The following EXOC6 variants were observed in gnomAD, a reference collection of about 807,000 sequenced individuals.
The protein encoded by EXOC6 is SEC15-like 1.
Under a neutral mutation model 112.5 loss-of-function variants are expected in EXOC6, and 60 were observed. The observed-to-expected ratio is 0.53, with a 90% CI of 0.43 to 0.66. The LOEUF is 0.66. Among genes scored for constraint, EXOC6 ranks in the 30% least tolerant of loss-of-function variants. The probability of loss-of-function intolerance (pLI) is 0.00; values close to 1 mark genes in which losing one functional copy is unlikely to be tolerated. For missense variants in EXOC6, 855 were observed against 957.1 expected, an observed-to-expected ratio of 0.89 and a Z score of 1.41; for synonymous variants, 295 against 308.0, an observed-to-expected ratio of 0.96 and a Z score of 0.44.
At chr10:92,950,178 A>C (rs186192086) in intron 14 of EXOC6, among the ~76,000 whole-genome samples, 46 of 152,244 alleles carry the variant, frequency 3.0e-4, no homozygotes, top group African/African-American at 1.1e-3. Context: ...CAACTGAAAA[A>C]TAAATCTCAT....
chr10:92,897,322 C>T (rs1849879886), intron 4 of EXOC6, among the ~76,000 whole-genome samples: 1 of 152,184 alleles, frequency 6.6e-6, no homozygotes, highest in African/African-American at 2.4e-5. Context: ...ACCTGCTTTC[C>T]TCTATTCATC....
intron 1 of EXOC6, among the ~76,000 whole-genome samples, chr10:92,867,908 T>C (rs1848258376): frequency 6.6e-6 from 1 of 152,146 alleles, no homozygotes; most frequent in African/African-American, 2.4e-5. Context: ...AGTTGTAAAA[T>C]AGCCAAAAGA....
chr10:92,955,186 T>TA (rs1220267023), intron 16 of EXOC6, among the ~76,000 whole-genome samples: 2 of 151,424 alleles, frequency 1.3e-5, no homozygotes, highest in South Asian at 2.1e-4. Context: ...GAAGAAAAAA[T>TA]AAAAAAATGA....
chr10:92,863,788 A>C (rs1848027601), intron 1 of EXOC6, among the ~76,000 whole-genome samples: 1 of 151,710 alleles, frequency 6.6e-6, no homozygotes, highest in African/African-American at 2.4e-5. Context: ...GGTGGTGGGC[A>C]CCTGTAATCC....
At chr10:92,868,901 A>G (rs74860147) in intron 1 of EXOC6, among the ~76,000 whole-genome samples, 4,569 of 149,106 alleles carry the variant, frequency 0.031, 161 homozygotes, top group East Asian at 0.14. Context: ...TGTAGCCTCA[A>G]CCTCCTGGGT....
intron 18 of EXOC6, 62 bp from the exon 19 acceptor site, chr10:92,997,412 C>T (rs1843542327): frequency 6.8e-7 from 1 of 1,469,996 alleles, no homozygotes; most frequent in Admixed American, 2.1e-5. Context: ...TTTTCTGATT[C>T]TTTATGATGT....
chr10:92,991,816 A>G (rs538404540), intron 18 of EXOC6, among the ~76,000 whole-genome samples: 9 of 152,042 alleles, frequency 5.9e-5, no homozygotes, highest in African/African-American at 2.2e-4. Context: ...TATGATTGGT[A>G]ATTGTTGGAA....
At chr10:92,834,615 T>A, upstream of EXOC6, 1 of 744,834 alleles carries the variant, frequency 1.3e-6, no homozygotes, top group Non-Finnish European at 2.1e-6. Context: ...TGTTGCTCCT[T>A]TGGGTGAACA....
At chr10:92,896,141 GTATGTGTATA>G (rs1564809817) in intron 4 of EXOC6, among the ~76,000 whole-genome samples, 1 of 33,680 alleles carries the variant, frequency 3.0e-5, no homozygotes, top group African/African-American at 1.4e-4. Context: ...GTGTGTGTAT[GTATGTGTATA>G]TATATATATA....
chr10:92,926,085 C>T (rs1564836242), intron 8 of EXOC6, among the ~76,000 whole-genome samples: 1 of 149,934 alleles, frequency 6.7e-6, no homozygotes, highest in African/African-American at 2.4e-5. Flanking sequence ...CCTAAGTCTG[C>T]AGGTCAGAAT....
intron 18 of EXOC6, among the ~76,000 whole-genome samples, chr10:92,979,947 A>G (rs1842770839): frequency 6.6e-6 from 1 of 151,876 alleles, no homozygotes; most frequent in Non-Finnish European, 1.5e-5. Flanking sequence ...CCAGATTAAA[A>G]TACCTATTCA....
rs969683931 is a variant in EXOC6 at position 92,964,135 on chromosome 10, A to G, written c.1773+8421A>G. 3.9e-5 allele frequency among the ~76,000 whole-genome samples: 6 copies of G among 152,022 alleles called. No homozygotes were observed. The Middle Eastern group carries it at 0.01, about 259-fold the overall frequency. ...CTCTTTTATTTTTTGGTTGATTTTTAAGTACTAAATGTAAAGAAAATAATA... is the reference window on the plus strand; with the variant it reads ...CTCTTTTATTTTTTGGTTGATTTTTGAGTACTAAATGTAAAGAAAATAATA... On this transcript the variant is annotated intron_variant, in intron 17 of 21. Transcript: ENST00000260762.
At chr10:92,989,883 CA>C (rs1401155655) in intron 18 of EXOC6, among the ~76,000 whole-genome samples, 2 of 152,060 alleles carry the variant, frequency 1.3e-5, no homozygotes, top group African/African-American at 2.4e-5. Flanking sequence ...CGAGTATTTT[CA>C]AAAAGTTCTT....
At chr10:92,875,744 A>G (rs1313274149) in intron 1 of EXOC6, among the ~76,000 whole-genome samples, 3 of 152,194 alleles carry the variant, frequency 2.0e-5, no homozygotes, top group Non-Finnish European at 4.4e-5. Context: ...TAAAGTGGAC[A>G]TGTACTAAAT....
At chr10:93,049,446 ATAT>A (rs1846176850) in intron 20 of EXOC6, among the ~76,000 whole-genome samples, 2 of 152,198 alleles carry the variant, frequency 1.3e-5, no homozygotes, top group Admixed American at 6.5e-5. Context: ...TCCATACAAT[ATAT>A]TATTATTTGT....
At chr10:92,954,972 G>A (rs1444578037) in intron 16 of EXOC6, among the ~76,000 whole-genome samples, 4 of 152,070 alleles carry the variant, frequency 2.6e-5, no homozygotes, top group Admixed American at 2.0e-4. Flanking sequence ...CAGGAGGATT[G>A]TTTGAGGTCA....
rs546761011 is a variant in EXOC6, at chr10:92,853,956, C to T, written c.101+5322C>T. On this transcript the variant is annotated intron_variant, in intron 1 of 21. Transcript: ENST00000260762. ...AGAAGCTATTGAGGTTGCAGTGAGCCGTGATCATGCCTCTGCACTCCAGTC... is the reference window on the plus strand; with the variant it reads ...AGAAGCTATTGAGGTTGCAGTGAGCTGTGATCATGCCTCTGCACTCCAGTC... Among the ~76,000 whole-genome samples the T allele has an allele frequency of 3.4e-5, 5 of 148,134 alleles. No homozygotes were observed. The East Asian group carries it at 1.0e-3, about 30-fold the overall frequency.
chr10:92,975,251 G>C (rs1237352127), intron 18 of EXOC6, among the ~76,000 whole-genome samples: 2 of 151,468 alleles, frequency 1.3e-5, no homozygotes, highest in African/African-American at 4.9e-5. Context: ...GCCTCTACCC[G>C]GCCGCGACCC....
chr10:92,883,087 A>G lies in EXOC6; in HGVS notation c.102-10262A>G, dbSNP rs148307163. 2.3e-4 allele frequency among the ~76,000 whole-genome samples: 35 copies of G among 152,358 alleles called. No individual in the cohort carries two copies. The East Asian group carries it at 5.0e-3, about 22-fold the overall frequency. ...GCCCTTTCATAATTGGGGCCTATGT[A>G]TGTCCTATTCTGAAAGAACTGTAAC... On this transcript the variant is annotated intron_variant, in intron 1 of 21. Coordinates refer to ENST00000260762, the MANE Select transcript of EXOC6 (RefSeq NM_019053.6).
Sources: allele counts gnomAD v4.1 joint callset (sites outside exome capture counted in the v4.1 genomes callset), GRCh38; gene constraint gnomAD v4.1.1; transcripts MANE v1.5; gene names NCBI Gene and HGNC (gene_info 2026-07-23, HGNC 2026-07-21).